PTPRK: variants seen among roughly 807,000 people sequenced by gnomAD.
The protein encoded by PTPRK is receptor-type tyrosine-protein phosphatase kappa.
A neutral mutation model predicts 178.0 loss-of-function variants in PTPRK; 75 were observed. The ratio of observed to expected loss-of-function variants is 0.42; its 90% CI spans 0.35 to 0.51. The LOEUF is 0.51. PTPRK is among the 20% of genes least tolerant of loss of function. PTPRK has a pLI of 0.02. For missense variants in PTPRK, 1,441 were observed against 1,797.8 expected, an observed-to-expected ratio of 0.80 and a Z score of 3.59; for synonymous variants, 637 against 620.6, an observed-to-expected ratio of 1.03 and a Z score of -0.39.
rs183978236 is a variant in PTPRK, at chr6:128,010,604, T to C, written c.2195-1336A>G. ...GAGGTTAACTATTAATTTCTCAAAG[T>C]AAGAAATCTGAAAGAATAAATATAT... On this transcript the variant is annotated intron_variant, in intron 13 of 29. Coordinates refer to ENST00000368226, the MANE Select transcript of PTPRK (RefSeq NM_002844.4). Among the ~76,000 whole-genome samples the C allele has an allele frequency of 5.3e-3, 808 of 151,328 alleles. 6 individuals carry two copies. Among genetic ancestry groups the C allele is most frequent in the Non-Finnish European group, 8.7e-3 (588 of 67,476 alleles).
intron 3 of PTPRK, among the ~76,000 whole-genome samples, chr6:128,254,893 CA>C (rs1390185738): frequency 6.6e-6 from 1 of 152,092 alleles, no homozygotes; most frequent in Non-Finnish European, 1.5e-5. Flanking sequence ...ACTTTTTGTA[CA>C]ATTATAAAGG....
chr6:128,352,354 A>G (rs1833296231), intron 2 of PTPRK, among the ~76,000 whole-genome samples: 1 of 152,056 alleles, frequency 6.6e-6, no homozygotes, highest in South Asian at 2.1e-4. Context: ...ACACTACTAT[A>G]CAATATTAAG....
rs762959099 is a variant in PTPRK at position 127,982,864 on chromosome 6, C to T, written c.3504G>A (p.Gln1168=). 2 of 1,611,868 alleles carry T rather than the reference C, an allele frequency of 1.2e-6. No homozygotes were observed. The highest frequency in any genetic ancestry group is 4.5e-5 in the East Asian group (2 of 44,796). ...AYFDMIRIDS[Q]TNSSHLKDEF... ...CATCCTTGAGATGTGAAGAGTTAGT[C>T]TGGGAGTCTATTCTAATCATATCAA... Residue 1168 remains glutamine, a synonymous_variant, in exon 24 of 30, where the codon CAG becomes CAA. Transcript: ENST00000368226.
chr6:128,149,464 T>C (rs1796965032), intron 7 of PTPRK, among the ~76,000 whole-genome samples: 1 of 152,186 alleles, frequency 6.6e-6, no homozygotes. Context: ...AGTTGTTATA[T>C]TGCAGTCACA....
intron 1 of PTPRK, among the ~76,000 whole-genome samples, chr6:128,426,450 C>G (rs895220061): frequency 1.3e-5 from 2 of 152,164 alleles, no homozygotes; most frequent in Non-Finnish European, 2.9e-5. Flanking sequence ...GAAGCATCAT[C>G]TGGACCTTAT....
chr6:128,238,448 T>C (rs760905757), intron 5 of PTPRK, among the ~76,000 whole-genome samples: 28 of 151,884 alleles, frequency 1.8e-4, no homozygotes, highest in Admixed American at 6.6e-5. Flanking sequence ...TGACTGAGGA[T>C]ACAAAACCCT....
At chr6:128,288,665 C>A (rs1027304356) in intron 3 of PTPRK, among the ~76,000 whole-genome samples, 5 of 152,010 alleles carry the variant, frequency 3.3e-5, no homozygotes, top group Non-Finnish European at 7.4e-5. Context: ...AATGATGAAA[C>A]AAGAACATTT....
intron 6 of PTPRK, among the ~76,000 whole-genome samples, chr6:128,195,333 G>A (rs1240314946): frequency 6.6e-6 from 1 of 151,908 alleles, no homozygotes; most frequent in East Asian, 1.9e-4. Context: ...ATCATTTCAA[G>A]TCAATACCAA....
chr6:128,196,960 CT>C (rs1306086253), intron 6 of PTPRK, among the ~76,000 whole-genome samples: 1 of 151,890 alleles, frequency 6.6e-6, no homozygotes, highest in Non-Finnish European at 1.5e-5. Flanking sequence ...AAAATATTAC[CT>C]CAATCAGTGG....
intron 13 of PTPRK, chr6:128,063,593 G>A (rs966950054): frequency 2.6e-5 from 4 of 151,986 alleles, no homozygotes; most frequent in Non-Finnish European, 5.9e-5. Context: ...TTCAACTCTC[G>A]TTCCTGATCA....
At chr6:128,299,037 T>G (rs1352848490) in intron 3 of PTPRK, among the ~76,000 whole-genome samples, 1 of 152,130 alleles carries the variant, frequency 6.6e-6, no homozygotes, top group East Asian at 1.9e-4. Context: ...GGATACAAAA[T>G]CAATGTGCAA....
rs951521376 is a variant in PTPRK, at chr6:128,421,482, T to A, written c.101-23794A>T. Among the ~76,000 whole-genome samples, 4 of 152,212 alleles carry A rather than the reference T, an allele frequency of 2.6e-5. No individual in the cohort carries two copies. The South Asian group carries it at 8.3e-4, about 31-fold the overall frequency. On this transcript the variant is annotated intron_variant, in intron 1 of 29. Transcript: ENST00000368226. ...GTGTGTATTATTTATTTTCCTTTTT[T>A]TCAATCTAATGGTAATACTCCTCTG...
chr6:128,473,944 T>A (rs1851054177), intron 1 of PTPRK, among the ~76,000 whole-genome samples: 4 of 152,112 alleles, frequency 2.6e-5, no homozygotes, highest in Admixed American at 2.6e-4. Flanking sequence ...ATATTTTGTA[T>A]AATCTGAATT....
chr6:127,982,853 G>C lies in PTPRK; in HGVS notation c.3515C>G (p.Ser1172Ter). Residue 1172 changes from serine to a stop codon, truncating the protein, a stop_gained, in exon 24 of 30, where the codon TCA (serine) becomes TGA (stop). Coordinates refer to ENST00000368226, the MANE Select transcript of PTPRK (RefSeq NM_002844.4). LOFTEE classifies it high-confidence loss of function. ...TACCTGAAATTCATCCTTGAGATGTGAAGAGTTAGTCTGGGAGTCTATTCT... is the reference window on the plus strand; with the variant it reads ...TACCTGAAATTCATCCTTGAGATGTCAAGAGTTAGTCTGGGAGTCTATTCT... ...MIRIDSQTNSSHLKDEFQTLN... is the reference protein window; with the variant it reads ...MIRIDSQTNS 6.2e-7 allele frequency: 1 copy of C among 1,610,448 alleles called. No homozygotes were observed. Among genetic ancestry groups the C allele is most frequent in the Non-Finnish European group, 8.5e-7 (1 of 1,178,116 alleles).
intron 5 of PTPRK, among the ~76,000 whole-genome samples, chr6:128,225,145 A>G (rs919740452): frequency 2.0e-5 from 3 of 152,176 alleles, no homozygotes; most frequent in African/African-American, 7.2e-5. Flanking sequence ...CTGACAATAC[A>G]TGTCGAGATT....
intron 1 of PTPRK, among the ~76,000 whole-genome samples, chr6:128,447,582 C>T (rs927137446): frequency 3.3e-5 from 5 of 150,716 alleles, no homozygotes; most frequent in African/African-American, 7.3e-5. Context: ...CTTAAAGTAG[C>T]GGGAAAGCTG....
intron 1 of PTPRK, among the ~76,000 whole-genome samples, chr6:128,423,278 G>T (rs1288337314): frequency 6.6e-6 from 1 of 152,188 alleles, no homozygotes; most frequent in Non-Finnish European, 1.5e-5. Context: ...TTTAATGACA[G>T]TAACATTTGT....
At chr6:128,236,048 G>A (rs1254024298) in intron 5 of PTPRK, among the ~76,000 whole-genome samples, 6 of 152,038 alleles carry the variant, frequency 3.9e-5, no homozygotes, top group Non-Finnish European at 8.8e-5. Context: ...TCATAGGTAT[G>A]TATATATAGG....
chr6:128,464,405 C>T (rs1164661775), intron 1 of PTPRK, among the ~76,000 whole-genome samples: 3 of 151,302 alleles, frequency 2.0e-5, no homozygotes, highest in Non-Finnish European at 4.4e-5. Context: ...ATTAACAACC[C>T]AAAATATCCA....
Sources: allele counts gnomAD v4.1 joint callset (sites outside exome capture counted in the v4.1 genomes callset), GRCh38; gene constraint gnomAD v4.1.1; transcripts MANE v1.5; gene names NCBI Gene and HGNC (gene_info 2026-07-23, HGNC 2026-07-21).